The following EXOSC9 variants were observed in gnomAD, a reference collection of about 807,000 sequenced individuals.
EXOSC9 encodes exosome component 9, also known as exosome complex component RRP45.
EXOSC9 carries 38 observed loss-of-function variants against 56.5 expected under a neutral mutation model. The observed-to-expected ratio is 0.67, with a 90% CI of 0.52 to 0.88. The LOEUF is 0.88. Among genes scored for constraint, EXOSC9 ranks in the 40% least tolerant of loss-of-function variants. EXOSC9 has a pLI of 0.00. For synonymous variants in EXOSC9, 170 were observed against 170.8 expected (o/e 0.99, Z 0.04); for missense variants, 559 against 530.5 (o/e 1.05, Z -0.53).
rs939480123 is a variant in EXOSC9 at position 121,815,586 on chromosome 4, G to C, written c.1157-783G>C. 6 of 985,236 alleles carry C rather than the reference G, an allele frequency of 6.1e-6. No individual in the cohort carries two copies. In the African/African-American group the frequency reaches 7.0e-5, roughly 11 times the overall value. 61.0% of individuals were successfully genotyped at this position (985,236 alleles called of 1,614,324 possible). ...TGGAGCAGTTCTCAAAGTATACAAT[G>C]GCCAGTAATATTTTTCATGGTCAGC... On this transcript the variant is annotated intron_variant, in intron 10 of 11. Coordinates refer to ENST00000243498, the MANE Select transcript of EXOSC9 (RefSeq NM_005033.3).
chr4:121,810,005 G>T lies in EXOSC9; in HGVS notation c.644G>T (p.Arg215Leu), dbSNP rs766182811. The change falls in exon 7 of 12, where the codon CGT (arginine) becomes CTT (leucine). Residue 215 changes from arginine to leucine, a missense_variant. Transcript: ENST00000243498. The stretch of plus-strand genomic sequence containing the variant: ...GTGGATCCCAATGAACGAGAAGAAC[G>T]TGTGATGGATGGCTTGCTGGTGATT... ...LLVDPNEREE[R>L]VMDGLLVIAM... 1 of 1,613,882 alleles carries T rather than the reference G, an allele frequency of 6.2e-7. No homozygotes were observed. The highest frequency in any genetic ancestry group is 1.7e-5 in the Admixed American group (1 of 60,008).
intron 10 of EXOSC9, chr4:121,814,845 G>A (rs905231033): frequency 2.7e-4 from 41 of 152,200 alleles, no homozygotes; most frequent in African/African-American, 9.9e-4. Context: ...TGTTATGTAT[G>A]GTTATTTCTA....
intron 6 of EXOSC9, among the ~76,000 whole-genome samples, chr4:121,808,683 C>CTTTTT (rs79076139): frequency 7.2e-5 from 10 of 139,266 alleles, no homozygotes; most frequent in Non-Finnish European, 1.4e-4. Context: ...CTTTTCTTTT[C>CTTTTT]TTTTTTTTTT....
chr4:121,811,964 T>C (rs1727225307), intron 8 of EXOSC9, among the ~76,000 whole-genome samples: 1 of 152,228 alleles, frequency 6.6e-6, no homozygotes, highest in Non-Finnish European at 1.5e-5. Context: ...TGTCACTTGC[T>C]CCTGTGCCTT....
intron 6 of EXOSC9, 123 bp from the exon 7 acceptor site, chr4:121,809,844 C>A: frequency 9.1e-7 from 1 of 1,093,756 alleles, no homozygotes; most frequent in Non-Finnish European, 1.4e-6. Context: ...TGACCCAAAT[C>A]CGTAGGCTCA....
At chr4:121,806,216 G>C (rs1231692477) in intron 5 of EXOSC9, among the ~76,000 whole-genome samples, 1 of 151,816 alleles carries the variant, frequency 6.6e-6, no homozygotes, top group African/African-American at 2.4e-5. Flanking sequence ...ACAATGGCGT[G>C]ATCTCGGCTC....
chr4:121,813,872 TAC>T lies in EXOSC9; in HGVS notation c.984_985del (p.Pro329CysfsTer20), dbSNP rs1182386221. 2 of 1,608,816 alleles carry T rather than the reference TAC, an allele frequency of 1.2e-6. No homozygotes were observed. The highest frequency in any genetic ancestry group is 1.7e-6 in the Non-Finnish European group (2 of 1,176,434). On this transcript the variant is annotated frameshift_variant, in exon 10 of 12. Coordinates refer to ENST00000243498, the MANE Select transcript of EXOSC9 (RefSeq NM_005033.3). LOFTEE classifies it high-confidence loss of function. ...GTTTTCTTAACTTGTTAAGTGTTTC[TAC>T]ACCTGTGCTATGGACTCCTGGAACT... ...EAEPPSEVVSTPVLWTPGTAQ... is the reference protein window; with the variant it reads ...EAEPPSEVVSXPVLWTPGTAQ...
chr4:121,810,436 T>G (rs1216731681), intron 7 of EXOSC9, among the ~76,000 whole-genome samples: 1 of 151,238 alleles, frequency 6.6e-6, no homozygotes, highest in African/African-American at 2.4e-5. Context: ...TCCCAGCACT[T>G]TGGGAGGCCG....
chr4:121,816,202 A>T, intron 10 of EXOSC9, 167 bp from the exon 11 acceptor site: 1 of 636,086 alleles, frequency 1.6e-6, no homozygotes, highest in Non-Finnish European at 2.8e-6. Flanking sequence ...CAGGTAATCC[A>T]CCTGCCTCAG....
chr4:121,801,702 C>T (rs1312320291), intron 1 of EXOSC9, 125 bp from the exon 2 acceptor site: 2 of 868,338 alleles, frequency 2.3e-6, no homozygotes, highest in African/African-American at 3.4e-5. Flanking sequence ...TTCCACTTTC[C>T]TGTATGGGCG....
Position 121,801,464 on chromosome 4 carries a change from C to T in EXOSC9, c.40C>T (p.Leu14=), listed in dbSNP as rs199990114. 6.2e-6 allele frequency: 10 copies of T among 1,614,232 alleles called. No homozygotes were observed. The East Asian group carries it at 1.6e-4, about 25-fold the overall frequency. Residue 14 remains leucine, a synonymous_variant, in exon 1 of 12, where the codon CTA becomes TTA. Coordinates refer to ENST00000243498, the MANE Select transcript of EXOSC9 (RefSeq NM_005033.3). ...TPLSNCERRF[L]LRAIEEKKRL... is the part of the protein sequence containing the mutation. ...ACTCTCAAACTGCGAACGCCGCTTCCTACTCCGTGCCATCGAAGAGAAGAA... is the reference window on the plus strand; with the variant it reads ...ACTCTCAAACTGCGAACGCCGCTTCTTACTCCGTGCCATCGAAGAGAAGAA...
intron 4 of EXOSC9, 124 bp downstream of exon 4, chr4:121,803,141 G>C (rs919706983): frequency 2.9e-6 from 2 of 684,722 alleles, no homozygotes; most frequent in Non-Finnish European, 5.0e-6. Context: ...CTTCACTTCA[G>C]ATGTTCTTGA....
intron 4 of EXOSC9, 35 bp downstream of exon 4, chr4:121,803,052 T>A: frequency 7.4e-7 from 1 of 1,347,910 alleles, no homozygotes; most frequent in Non-Finnish European, 1.1e-6. Flanking sequence ...AATCTTAGGA[T>A]GAATACTGTT....
chr4:121,816,933 T>A lies in EXOSC9; in HGVS notation c.*77T>A. 4 of 1,297,030 alleles carry A rather than the reference T, an allele frequency of 3.1e-6. No homozygotes were observed. Among genetic ancestry groups the A allele is most frequent in the Admixed American group, 3.3e-5 (1 of 30,292 alleles). 80.3% of individuals were successfully genotyped at this position (1,297,030 alleles called of 1,614,324 possible). ...CATTCTGAGAACCCTGGGTATTTTT[T>A]ATTCACAAATCCATTATAAAATCTA... On this transcript the variant is annotated 3_prime_UTR_variant, in exon 12 of 12. Coordinates refer to ENST00000243498, the MANE Select transcript of EXOSC9 (RefSeq NM_005033.3).
intron 1 of EXOSC9, 40 bp downstream of exon 1, chr4:121,801,530 G>T: frequency 6.3e-7 from 1 of 1,599,158 alleles, no homozygotes; most frequent in South Asian, 1.1e-5. Context: ...CTGCGTGGGC[G>T]CTCGGGTCTC....
rs935862978 is a variant in EXOSC9, at chr4:121,815,907, AC to A, written c.1157-461del. 5 of 1,195,326 alleles carry A rather than the reference AC, an allele frequency of 4.2e-6. No homozygotes were observed. The African/African-American group carries it at 7.8e-5, about 19-fold the overall frequency. 74.0% of individuals were successfully genotyped at this position (1,195,326 alleles called of 1,614,324 possible). A position where few individuals can be genotyped will look rare whatever the true frequency, so the allele number is the denominator to read the frequency against. ...ATAAGAGTTTAAAGAAACAAATGTT[AC>A]AGATGAGTTCTAGAGTGCTCTAAGA... is the stretch of plus-strand genomic sequence containing the variant. On this transcript the variant is annotated intron_variant, in intron 10 of 11. Transcript: ENST00000243498.
intron 5 of EXOSC9, among the ~76,000 whole-genome samples, chr4:121,805,809 CTTT>C (rs1190137116): frequency 1.3e-5 from 1 of 79,126 alleles, no homozygotes. Flanking sequence ...TTTTTTTTTT[CTTT>C]TTTTTTTTTT....
chr4:121,803,152 G>C, intron 4 of EXOSC9, 135 bp downstream of exon 4: 1 of 646,126 alleles, frequency 1.5e-6, no homozygotes, highest in South Asian at 2.0e-5. Flanking sequence ...ATGTTCTTGA[G>C]TGATACCCTT....
At position 121,802,769 on chromosome 4, in the gene EXOSC9, C is replaced by T; in HGVS notation, c.257C>T (p.Ala86Val). 1.2e-6 allele frequency: 2 copies of T among 1,614,034 alleles called. No individual in the cohort carries two copies. Among genetic ancestry groups the T allele is most frequent in the Non-Finnish European group, 1.7e-6 (2 of 1,179,978 alleles). The change falls in exon 3 of 12, where the codon GCC (alanine) becomes GTC (valine). Residue 86 changes from alanine (A) to valine (V), a missense_variant. Transcript: ENST00000243498. ...TTTAACCTTGAACTCTCTCAGATGG[C>T]CGCTCCAGCTTTCGAACCTGGCAGG... ...LFFNLELSQM[A>V]APAFEPGRQS...
Sources: allele counts gnomAD v4.1 joint callset (sites outside exome capture counted in the v4.1 genomes callset), GRCh38; gene constraint gnomAD v4.1.1; transcripts MANE v1.5; gene names NCBI Gene and HGNC (gene_info 2026-07-23, HGNC 2026-07-21).